PNPT1: variants seen among roughly 807,000 people sequenced by gnomAD.
PNPT1 encodes polyribonucleotide nucleotidyltransferase 1, mitochondrial.
PNPT1 carries 53 observed loss-of-function variants against 119.5 expected under a neutral mutation model. The observed-to-expected ratio is 0.44, with a 90% CI of 0.36 to 0.56. PNPT1 has a LOEUF of 0.56. Ranked by LOEUF, PNPT1 falls within the 20% of genes least tolerant of loss-of-function variation. PNPT1 has a pLI of 0.00. For missense variants in PNPT1, 948 were observed against 938.5 expected, an observed-to-expected ratio of 1.01 and a Z score of -0.13; for synonymous variants, 357 against 322.1, an observed-to-expected ratio of 1.11 and a Z score of -1.16.
chr2:55,644,841 A>G, intron 22 of PNPT1, 121 bp from the exon 23 acceptor site: 2 of 524,492 alleles, frequency 3.8e-6, no homozygotes, highest in Non-Finnish European at 6.5e-6. Flanking sequence ...ATATTTTACT[A>G]TAAAACAGAA....
intron 13 of PNPT1, among the ~76,000 whole-genome samples, chr2:55,662,930 G>GA (rs1303802688): frequency 6.6e-6 from 1 of 151,324 alleles, no homozygotes; most frequent in Non-Finnish European, 1.5e-5. Flanking sequence ...ACCCAGGCTG[G>GA]AGTACAGTGG....
At chr2:55,639,967 T>C (rs1695788509) in intron 26 of PNPT1, among the ~76,000 whole-genome samples, 1 of 152,218 alleles carries the variant, frequency 6.6e-6, no homozygotes, top group Admixed American at 6.5e-5. Flanking sequence ...GATAACCAGC[T>C]GTACCAATAT....
In PNPT1 at chr2:55,693,698, T is replaced by G; in HGVS notation, c.126A>C (p.Ala42=). 6.2e-7 allele frequency: 1 copy of G among 1,614,218 alleles called. No individual in the cohort carries two copies. The highest frequency in any genetic ancestry group is 8.5e-7 in the Non-Finnish European group (1 of 1,180,046). ...AGTCCACGGCCACAGCTCGAGACCC[T>G]GCGCTACTCCATAGTGCTCGCACTT... The part of the protein sequence containing the change: ...QLQVRALWSS[A]GSRAVAVDLG... The change falls in exon 1 of 28, where the codon GCA becomes GCC. Residue 42 remains alanine (A), a synonymous_variant. Coordinates refer to ENST00000447944, the MANE Select transcript of PNPT1 (RefSeq NM_033109.5).
chr2:55,675,409 C>T (rs575044345), intron 8 of PNPT1, among the ~76,000 whole-genome samples: 79 of 151,972 alleles, frequency 5.2e-4, no homozygotes, highest in African/African-American at 1.8e-3. Context: ...TAATGAGATG[C>T]TATATCTAAT....
At chr2:55,648,727 T>A (rs1696080816) in intron 18 of PNPT1, among the ~76,000 whole-genome samples, 1 of 152,136 alleles carries the variant, frequency 6.6e-6, no homozygotes, top group Non-Finnish European at 1.5e-5. Flanking sequence ...AATGTAAAGA[T>A]AAAATATTAT....
intron 11 of PNPT1, 103 bp from the exon 12 acceptor site, chr2:55,668,061 A>C: frequency 1.0e-6 from 1 of 1,000,922 alleles, no homozygotes; most frequent in South Asian, 1.6e-5. Context: ...GGAATCAACC[A>C]AGGGAGATGA....
chr2:55,642,542 C>G (rs1173623223), intron 25 of PNPT1, among the ~76,000 whole-genome samples: 2 of 137,266 alleles, frequency 1.5e-5, no homozygotes, highest in Non-Finnish European at 3.0e-5. Context: ...GGAGGCAGAG[C>G]TTGCAGTGAG....
intron 9 of PNPT1, among the ~76,000 whole-genome samples, chr2:55,672,276 T>C (rs1400260029): frequency 6.6e-6 from 1 of 152,342 alleles, no homozygotes; most frequent in East Asian, 1.9e-4. Context: ...ACATGTAGTA[T>C]CCTGTTCTTT....
chr2:55,676,935 T>C (rs1697091100), intron 8 of PNPT1, among the ~76,000 whole-genome samples: 1 of 152,184 alleles, frequency 6.6e-6, no homozygotes, highest in Non-Finnish European at 1.5e-5. Flanking sequence ...AATTACTTTT[T>C]TGTATTTTTG....
chr2:55,657,159 T>C (rs1158829716), intron 15 of PNPT1, among the ~76,000 whole-genome samples: 37 of 152,002 alleles, frequency 2.4e-4, no homozygotes, highest in Non-Finnish European at 4.4e-5. Flanking sequence ...TGAGACCCTG[T>C]ATCTACTAAA....
At position 55,662,503 on chromosome 2, in the gene PNPT1, T is replaced by C. The variant is rs1696609053; in HGVS notation, c.1177-477A>G. On this transcript the variant is annotated intron_variant, in intron 13 of 27. Coordinates refer to ENST00000447944, the MANE Select transcript of PNPT1 (RefSeq NM_033109.5). ...CAGCCTGGCCGATACGGTGAAACCC[T>C]GTCTCTACTAAAAATACAAAAATTA... 2.0e-5 allele frequency among the ~76,000 whole-genome samples: 3 copies of C among 152,212 alleles called. No homozygotes were observed. The Middle Eastern group carries it at 0.01, about 518-fold the overall frequency.
rs187750584 is a variant in PNPT1 at position 55,636,365 on chromosome 2, C to T, written c.2224G>A (p.Asp742Asn). ...QVKYFGRDPADGRMRLSRKVL... is the reference protein window; with the variant it reads ...QVKYFGRDPANGRMRLSRKVL... ...TTTCGAGAAAGCCTCATTCTTCCAT[C>T]GGCTGGGTCACGTCCAAAGTATTTC... Residue 742 changes from aspartate to asparagine, a missense_variant, in exon 28 of 28, where the codon GAT (aspartate) becomes AAT (asparagine). By Grantham distance (23) the Asp-to-Asn change is conservative. Coordinates refer to ENST00000447944, the MANE Select transcript of PNPT1 (RefSeq NM_033109.5). The T allele has an allele frequency of 2.2e-5, 35 of 1,614,052 alleles. No individual in the cohort carries two copies. The highest frequency in any genetic ancestry group is 2.0e-4 in the African/African-American group (15 of 75,038).
At chr2:55,666,613 G>A (rs1696741609) in intron 13 of PNPT1, among the ~76,000 whole-genome samples, 1 of 152,184 alleles carries the variant, frequency 6.6e-6, no homozygotes, top group Non-Finnish European at 1.5e-5. Flanking sequence ...GCTGTGGTAG[G>A]AGGATTGCTT....
rs915532822 is a variant in PNPT1 at position 55,671,250 on chromosome 2, A to G, written c.976+69T>C. 3.4e-5 allele frequency: 26 copies of G among 760,604 alleles called. No homozygotes were observed. The African/African-American group carries it at 4.8e-4, about 14-fold the overall frequency. 47.1% of individuals were successfully genotyped at this position (760,604 alleles called of 1,614,324 possible). A position where few individuals can be genotyped will look rare whatever the true frequency, so the allele number is the denominator to read the frequency against. ...TCTTTGACCTTTAATCCCAAGAAGC[A>G]AGAGTCAGGCCATGCCTTATTAAAG... On this transcript the variant is annotated intron_variant, in intron 11 of 27. Coordinates refer to ENST00000447944, the MANE Select transcript of PNPT1 (RefSeq NM_033109.5).
At chr2:55,647,774 C>T (rs1318117784) in intron 18 of PNPT1, among the ~76,000 whole-genome samples, 1 of 152,110 alleles carries the variant, frequency 6.6e-6, no homozygotes, top group Non-Finnish European at 1.5e-5. Flanking sequence ...CTGCCAGCCT[C>T]AGCCTCCCAA....
chr2:55,686,370 C>A lies in PNPT1; in HGVS notation c.297G>T (p.Val99=), dbSNP rs1377572443. 6.2e-7 allele frequency: 1 copy of A among 1,607,942 alleles called. No homozygotes were observed. The highest frequency in any genetic ancestry group is 1.3e-5 in the African/African-American group (1 of 74,770). The change falls in exon 3 of 28, where the codon GTG becomes GTT. Residue 99 remains valine (V), a splice_region_variant and synonymous_variant. Coordinates refer to ENST00000447944, the MANE Select transcript of PNPT1 (RefSeq NM_033109.5). ...TTCAGATAAATCAGCAAATACTTAC[C>A]ACCAAAGGCATAAACTGGGAAGGGG... ...KPSPSQFMPL[V]VDYRQKAAAA...
rs1224771635 is a variant in PNPT1, at chr2:55,657,378, A to AT, written c.1285-1008dup. 2.1e-3 allele frequency among the ~76,000 whole-genome samples: 318 copies of AT among 149,190 alleles called. 2 individuals carry two copies. Among genetic ancestry groups the AT allele is most frequent in the African/African-American group, 5.6e-3 (227 of 40,778 alleles). On this transcript the variant is annotated intron_variant, in intron 15 of 27. Transcript: ENST00000447944. Reference sequence around the variant, plus strand: ...TATCTGTAATTCCAGATTAACAAGAATTTTTTTTTTGTTTTTTCTTTTTTT... The same window carrying AT: ...TATCTGTAATTCCAGATTAACAAGAATTTTTTTTTTTGTTTTTTCTTTTTTT...
At chr2:55,671,279 C>A in intron 11 of PNPT1, 40 bp downstream of exon 11, 2 of 1,189,954 alleles carry the variant, frequency 1.7e-6, no homozygotes, top group Non-Finnish European at 1.2e-6. Flanking sequence ...ATTAAAGCTG[C>A]CCTCAGCAAA....
chr2:55,672,762 A>T (rs1297827568), intron 9 of PNPT1, 131 bp downstream of exon 9: 1 of 811,106 alleles, frequency 1.2e-6, no homozygotes, highest in African/African-American at 1.8e-5. Context: ...ATTTATGGGA[A>T]TGACTCTTAA....
Sources: allele counts gnomAD v4.1 joint callset (sites outside exome capture counted in the v4.1 genomes callset), GRCh38; gene constraint gnomAD v4.1.1; transcripts MANE v1.5; gene names NCBI Gene and HGNC (gene_info 2026-07-23, HGNC 2026-07-21).